Variants in NECTIN1 observed in about 807,000 individuals in gnomAD.
The protein encoded by NECTIN1 is nectin cell adhesion molecule 1, also known as nectin-1.
A neutral mutation model predicts 48.0 loss-of-function variants in NECTIN1; 23 were observed. The observed-to-expected ratio is 0.48, with a 90% confidence interval of 0.34 to 0.68. The LOEUF is 0.68. Ranked by LOEUF, NECTIN1 falls within the 30% of genes least tolerant of loss-of-function variation. The probability of loss-of-function intolerance (pLI) is 0.01; values close to 1 mark genes in which losing one functional copy is unlikely to be tolerated. For missense variants in NECTIN1, 591 were observed against 709.9 expected (o/e 0.83, Z 1.90); for synonymous variants, 270 against 288.9 (o/e 0.93, Z 0.66).
intron 5 of NECTIN1, among the ~76,000 whole-genome samples, chr11:119,669,063 C>T (rs186859843): frequency 2.0e-5 from 3 of 152,334 alleles, no homozygotes; most frequent in East Asian, 1.9e-4. Flanking sequence ...GTAGAGTGTA[C>T]GGTCTTATCT....
In NECTIN1 at chr11:119,684,228, G is replaced by A. The variant is rs1865114773; in HGVS notation, c.80-5463C>T. On this transcript the variant is annotated intron_variant, in intron 1 of 5. Transcript: ENST00000264025. This position sits in a 1 kb window ranked among gnomAD's most constrained non-coding sequence, Gnocchi z 5.2. Reference sequence around the variant, plus strand: ...GTGGGTACCTAGGTGAGGCGAGGGGGATTTGGGGCTTCCTGGCATAAACCA... The same window carrying A: ...GTGGGTACCTAGGTGAGGCGAGGGGAATTTGGGGCTTCCTGGCATAAACCA... Among the ~76,000 whole-genome samples the A allele has an allele frequency of 6.6e-6, 1 of 152,254 alleles. No homozygotes were observed. The highest frequency in any genetic ancestry group is 2.1e-4 in the South Asian group (1 of 4,834).
intron 1 of NECTIN1, among the ~76,000 whole-genome samples, chr11:119,707,077 A>G (rs891489864): frequency 6.6e-6 from 1 of 152,162 alleles, no homozygotes. Flanking sequence ...TAGGCCCACT[A>G]CTGCCCCTGC....
At chr11:119,651,387 T>G (rs1322003143) in intron 5 of NECTIN1, among the ~76,000 whole-genome samples, 1 of 152,078 alleles carries the variant, frequency 6.6e-6, no homozygotes, top group Non-Finnish European at 1.5e-5. Flanking sequence ...GAACAGATAC[T>G]TCTGTGGAGG....
At chr11:119,712,934 A>T (rs2081738166) in intron 1 of NECTIN1, 1 of 152,148 alleles carries the variant, frequency 6.6e-6, no homozygotes, top group Admixed American at 6.5e-5. Context: ...CTGCTGACTG[A>T]CCTCACCTAA....
At chr11:119,676,942 T>TG in intron 4 of NECTIN1, 160 bp downstream of exon 4, 1 of 689,644 alleles carries the variant, frequency 1.5e-6, no homozygotes. Flanking sequence ...ATGTGTGTGT[T>TG]GGGGGTGGGG....
In NECTIN1 at chr11:119,639,127, A is replaced by G. The variant is rs146775492; in HGVS notation, c.1152-321T>C. Among the ~76,000 whole-genome samples the G allele has an allele frequency of 1.2e-3, 186 of 152,270 alleles. 1 individual carries two copies. Among genetic ancestry groups the G allele is most frequent in the African/African-American group, 4.3e-3 (180 of 41,558 alleles). ...ACCAGCAGCAGCACTGTGGGCCCTC[A>G]CCCAGGGCGGGCATGAGGCCTCAGG... On this transcript the variant is annotated intron_variant, in intron 6 of 7. Transcript: ENST00000341398.
At chr11:119,697,309 A>G (rs994502813) in intron 1 of NECTIN1, among the ~76,000 whole-genome samples, 1 of 151,830 alleles carries the variant, frequency 6.6e-6, no homozygotes, top group Non-Finnish European at 1.5e-5. Flanking sequence ...TTTTTGCACA[A>G]TTGGCCCTGC....
chr11:119,717,681 G>A (rs1209084717), intron 1 of NECTIN1, among the ~76,000 whole-genome samples: 1 of 152,210 alleles, frequency 6.6e-6, no homozygotes, highest in Non-Finnish European at 1.5e-5. Flanking sequence ...CTCTGCCACT[G>A]ATTCAAAACC....
chr11:119,720,532 G>A (rs563176564), intron 1 of NECTIN1, among the ~76,000 whole-genome samples: 2 of 152,398 alleles, frequency 1.3e-5, no homozygotes, highest in African/African-American at 4.8e-5. Flanking sequence ...GGAGCACCCC[G>A]CGTGAGCCTG....
At chr11:119,703,261 G>A (rs778233664) in intron 1 of NECTIN1, among the ~76,000 whole-genome samples, 1 of 152,238 alleles carries the variant, frequency 6.6e-6, no homozygotes. Flanking sequence ...ATCTGACCAC[G>A]AGTTTCTTCT....
chr11:119,691,370 T>G (rs755105714), intron 1 of NECTIN1, among the ~76,000 whole-genome samples: 1 of 152,256 alleles, frequency 6.6e-6, no homozygotes, highest in Non-Finnish European at 1.5e-5. Context: ...TTCACAGTTT[T>G]CTTTCCACCT....
In NECTIN1 at chr11:119,663,606, T is replaced by TCCCCACTACC. The variant is rs1864707307; in HGVS notation, c.*1131_*1140dup. 2.0e-6 allele frequency: 2 copies of TCCCCACTACC among 985,628 alleles called. No individual in the cohort carries two copies. Among genetic ancestry groups the TCCCCACTACC allele is most frequent in the African/African-American group, 3.5e-5 (2 of 57,344 alleles). The allele number at this position is 985,628 out of a possible 1,614,324, so 61.1% of individuals were successfully genotyped here. On this transcript the variant is annotated 3_prime_UTR_variant, in exon 6 of 6. Transcript: ENST00000264025. ...AGAGCTTCTGCCATGTGGGCTTCCTTCCCCACTACCCTCCGTGTGGATGCT... is the reference window on the plus strand; with the variant it reads ...AGAGCTTCTGCCATGTGGGCTTCCTTCCCCACTACCCCCCACTACCCTCCGTGTGGATGCT...
intron 1 of NECTIN1, among the ~76,000 whole-genome samples, chr11:119,698,795 C>T (rs936279425): frequency 3.3e-5 from 5 of 152,244 alleles, no homozygotes; most frequent in African/African-American, 9.6e-5. Flanking sequence ...CTGGAGGTGG[C>T]GAAACTGATA....
chr11:119,699,336 C>T (rs1418195384), intron 1 of NECTIN1, among the ~76,000 whole-genome samples: 2 of 148,394 alleles, frequency 1.3e-5, no homozygotes, highest in Non-Finnish European at 3.0e-5. Context: ...AGAGTTCCGA[C>T]TGTCCTCAAG....
intron 1 of NECTIN1, among the ~76,000 whole-genome samples, chr11:119,699,460 C>G (rs747339755): frequency 6.6e-6 from 1 of 151,612 alleles, no homozygotes; most frequent in African/African-American, 2.4e-5. Context: ...CTGTCAATGC[C>G]CAGCCCCGAG....
At position 119,665,272 on chromosome 11, in the gene NECTIN1, G is replaced by T. The variant is rs761507437; in HGVS notation, c.1029C>A (p.Pro343=). Residue 343 remains proline, a synonymous_variant, in exon 6 of 6, where the codon CCC becomes CCA. Coordinates refer to ENST00000264025, the MANE Select transcript of NECTIN1 (RefSeq NM_002855.5). This position sits in a 1 kb window ranked among gnomAD's most constrained non-coding sequence, Gnocchi z 5.1. ...CCGGCCCGGCGCGCCGCCCATGTTC[G>T]GGAGGAGACGGGGTGTAGGGGAATT... The part of the protein sequence containing the change: ...ITEFPYTPSP[P]EHGRRAGPVP... 6 of 1,594,560 alleles carry T rather than the reference G, an allele frequency of 3.8e-6. No individual in the cohort carries two copies. Among genetic ancestry groups the T allele is most frequent in the Middle Eastern group, 1.7e-4 (1 of 6,022 alleles).
intron 5 of NECTIN1, among the ~76,000 whole-genome samples, chr11:119,652,355 C>T (rs1025587232): frequency 2.0e-5 from 3 of 152,076 alleles, no homozygotes; most frequent in Non-Finnish European, 2.9e-5. Flanking sequence ...GAGCACATCT[C>T]CTCCCCCTCC....
rs1224073072 is a variant in NECTIN1, at chr11:119,665,572, G to C, written c.1004-275C>G. Among the ~76,000 whole-genome samples the C allele has an allele frequency of 6.6e-6, 1 of 152,132 alleles. No homozygotes were observed. ...CTTCCATCCCCACTGTCCTTGGTGT[G>C]GTGCTGGCCCAGCTCAATCCCTATT... On this transcript the variant is annotated intron_variant, in intron 5 of 5. Coordinates refer to ENST00000264025, the MANE Select transcript of NECTIN1 (RefSeq NM_002855.5). The surrounding 1 kb of genome is among the most constrained non-coding windows in gnomAD (Gnocchi z 5.1).
chr11:119,723,645 C>T (rs1865866886), intron 1 of NECTIN1, among the ~76,000 whole-genome samples: 5 of 152,186 alleles, frequency 3.3e-5, no homozygotes, highest in Admixed American at 3.3e-4. Context: ...GTTCATCTCT[C>T]CTTGTGGAAT....
Sources: gnomAD v4.1 joint callset for allele counts (sites outside exome capture counted in the v4.1 genomes callset) on GRCh38, gnomAD v4.1.1 for gene constraint, Gnocchi (gnomAD v3.1) non-coding constraint, MANE v1.5 for transcripts, NCBI Gene and HGNC (gene_info 2026-07-23, HGNC 2026-07-21) for gene names.